Variants in TMEM117 observed in about 807,000 individuals in gnomAD.
The protein encoded by TMEM117 is transmembrane protein 117.
TMEM117 carries 27 observed loss-of-function variants against 52.4 expected under a neutral mutation model. That is an observed-to-expected ratio of 0.51 (90% CI 0.38 to 0.71). The LOEUF is 0.71. Ranked by LOEUF, TMEM117 falls within the 30% of genes least tolerant of loss-of-function variation. The probability of loss-of-function intolerance (pLI) is 0.00; values close to 1 mark genes in which losing one functional copy is unlikely to be tolerated. For synonymous variants in TMEM117, 215 were observed against 206.3 expected, an observed-to-expected ratio of 1.04 and a Z score of -0.36; for missense variants, 556 against 630.5, an observed-to-expected ratio of 0.88 and a Z score of 1.26.
chr12:44,307,490 T>C (rs1950917331), intron 6 of TMEM117, among the ~76,000 whole-genome samples: 1 of 152,170 alleles, frequency 6.6e-6, no homozygotes. Flanking sequence ...CTGGCTTCTG[T>C]TATAGGGTCC....
chr12:44,154,750 A>C (rs1169440187), intron 4 of TMEM117, among the ~76,000 whole-genome samples: 1 of 151,616 alleles, frequency 6.6e-6, no homozygotes, highest in Non-Finnish European at 1.5e-5. Flanking sequence ...TCCCCCAAAC[A>C]ATATGCTATA....
intron 2 of TMEM117, among the ~76,000 whole-genome samples, chr12:43,882,859 GA>G (rs922946274): frequency 1.3e-5 from 2 of 152,082 alleles, no homozygotes; most frequent in Admixed American, 6.5e-5. Flanking sequence ...GTGTTTGGAG[GA>G]AAAAAACTAA....
intron 4 of TMEM117, among the ~76,000 whole-genome samples, chr12:44,192,769 G>A (rs1193088846): frequency 6.6e-6 from 1 of 152,180 alleles, no homozygotes; most frequent in African/African-American, 2.4e-5. Flanking sequence ...TCTGCATCCT[G>A]GCTCTGCTGT....
chr12:43,817,949 C>T, the TMEM117 span, among the ~76,000 whole-genome samples: 2 of 152,090 alleles, frequency 1.3e-5, no homozygotes, highest in African/African-American at 4.8e-5. Flanking sequence ...AAGGAGACTC[C>T]ATGTCCACTT....
chr12:43,936,571 C>A (rs1252999806), intron 2 of TMEM117, among the ~76,000 whole-genome samples: 1 of 151,954 alleles, frequency 6.6e-6, no homozygotes, highest in Admixed American at 6.5e-5. Flanking sequence ...CAGACCATGG[C>A]ACATCATTAT....
intron 6 of TMEM117, among the ~76,000 whole-genome samples, chr12:44,376,041 T>C (rs1951936567): frequency 6.6e-6 from 1 of 152,200 alleles, no homozygotes; most frequent in South Asian, 2.1e-4. Context: ...CTCAAACTGA[T>C]GCTGAATTGC....
chr12:43,919,057 G>C (rs1472427086), intron 2 of TMEM117, among the ~76,000 whole-genome samples: 2 of 152,056 alleles, frequency 1.3e-5, no homozygotes, highest in African/African-American at 4.8e-5. Context: ...CTTCGGTGTT[G>C]TATCTCCAGC....
intron 5 of TMEM117, among the ~76,000 whole-genome samples, chr12:44,238,735 A>G (rs1454016235): frequency 6.6e-6 from 1 of 152,150 alleles, no homozygotes; most frequent in East Asian, 1.9e-4. Flanking sequence ...AGACAAAGGT[A>G]TTTTTCTTTT....
At chr12:43,982,465 A>G (rs1267284824) in intron 3 of TMEM117, among the ~76,000 whole-genome samples, 1 of 152,206 alleles carries the variant, frequency 6.6e-6, no homozygotes, top group African/African-American at 2.4e-5. Context: ...AGAAACCCCC[A>G]TACTCTTTGT....
At chr12:43,977,246 CTTCTTCAGCAT>C (rs537266691) in intron 3 of TMEM117, among the ~76,000 whole-genome samples, 133 of 152,298 alleles carry the variant, frequency 8.7e-4, no homozygotes, top group African/African-American at 3.0e-3. Flanking sequence ...CCTGAGTTGT[CTTCTTCAGCAT>C]TTCCTAGGTA....
chr12:44,152,186 AATAT>A lies in TMEM117; in HGVS notation c.510+8568_510+8571del, dbSNP rs1166897330. ...AATATATATAAAATTATATTTATAA[AATAT>A]ATATAAATATAATTATATTTATATT... is the stretch of plus-strand genomic sequence containing the variant. On this transcript the variant is annotated intron_variant, in intron 4 of 7. Coordinates refer to ENST00000266534, the MANE Select transcript of TMEM117 (RefSeq NM_032256.3). Among the ~76,000 whole-genome samples the A allele has an allele frequency of 6.4e-5, 7 of 108,738 alleles. No homozygotes were observed. In the East Asian group the frequency reaches 1.9e-3, roughly 29 times the overall value. 71.3% of individuals were successfully genotyped at this position (108,738 alleles called of 152,430 possible). A position where few individuals can be genotyped will look rare whatever the true frequency, so the allele number is the denominator to read the frequency against.
At chr12:44,080,437 C>T (rs1351426454) in intron 3 of TMEM117, among the ~76,000 whole-genome samples, 1 of 152,132 alleles carries the variant, frequency 6.6e-6, no homozygotes, top group Non-Finnish European at 1.5e-5. Context: ...TACCTCCCAC[C>T]AGGTCCCTCC....
intron 3 of TMEM117, among the ~76,000 whole-genome samples, chr12:44,095,831 A>G (rs1947750078): frequency 6.6e-6 from 1 of 151,916 alleles, no homozygotes; most frequent in Non-Finnish European, 1.5e-5. Flanking sequence ...CTCCCTCACC[A>G]CTCCTATTCA....
At chr12:44,053,359 C>T (rs149622126) in intron 3 of TMEM117, among the ~76,000 whole-genome samples, 78 of 152,266 alleles carry the variant, frequency 5.1e-4, no homozygotes, top group African/African-American at 1.7e-3. Flanking sequence ...AGATACTCAG[C>T]GCAGCAAGGT....
chr12:44,048,545 T>C (rs1946915893), intron 3 of TMEM117, among the ~76,000 whole-genome samples: 1 of 152,144 alleles, frequency 6.6e-6, no homozygotes, highest in African/African-American at 2.4e-5. Context: ...TTTTTCTGTG[T>C]ACTATCATAT....
chr12:43,896,793 C>T (rs144690736), intron 2 of TMEM117, among the ~76,000 whole-genome samples: 1 of 152,292 alleles, frequency 6.6e-6, no homozygotes, highest in African/African-American at 2.4e-5. Flanking sequence ...AACTCAATTG[C>T]TGACCCACAG....
intron 4 of TMEM117, among the ~76,000 whole-genome samples, chr12:44,144,635 CT>C (rs1398191723): frequency 1.3e-5 from 2 of 152,192 alleles, no homozygotes; most frequent in African/African-American, 4.8e-5. Context: ...TTAACTGCTC[CT>C]ACTGAGAACA....
At chr12:44,362,349 A>G (rs1302352264) in intron 6 of TMEM117, among the ~76,000 whole-genome samples, 1 of 151,898 alleles carries the variant, frequency 6.6e-6, no homozygotes, top group African/African-American at 2.4e-5. Context: ...GCTTCTCCCA[A>G]TCCTTATCGT....
chr12:43,983,868 A>G (rs1945803209), intron 3 of TMEM117, among the ~76,000 whole-genome samples: 1 of 152,074 alleles, frequency 6.6e-6, no homozygotes, highest in African/African-American at 2.4e-5. Context: ...TCAAAAAAGA[A>G]CAGAATAAAA....
Sources: gnomAD v4.1 joint callset for allele counts (sites outside exome capture counted in the v4.1 genomes callset) on GRCh38, gnomAD v4.1.1 for gene constraint, MANE v1.5 for transcripts, NCBI Gene and HGNC (gene_info 2026-07-23, HGNC 2026-07-21) for gene names.